Variants in GSG1 observed in about 807,000 individuals in gnomAD.
The protein encoded by GSG1 is germ cell-specific gene 1 protein.
GSG1 carries 28 observed loss-of-function variants against 30.8 expected under a neutral mutation model. The ratio of observed to expected loss-of-function variants is 0.91; its 90% CI spans 0.67 to 1.25. The LOEUF (loss-of-function observed/expected upper bound fraction) is 1.25, where lower values mean the gene tolerates loss of function less well. Among genes scored for constraint, GSG1 ranks in the 50% most tolerant of loss-of-function variants. The probability of loss-of-function intolerance (pLI) is 0.00; values close to 1 mark genes in which losing one functional copy is unlikely to be tolerated. For synonymous variants in GSG1, 162 were observed against 178.0 expected, an observed-to-expected ratio of 0.91 and a Z score of 0.71; for missense variants, 435 against 444.7, an observed-to-expected ratio of 0.98 and a Z score of 0.20.
chr12:13,098,270 G>A (rs537560901), intron 1 of GSG1, among the ~76,000 whole-genome samples: 3 of 151,490 alleles, frequency 2.0e-5, no homozygotes, highest in African/African-American at 4.9e-5. Context: ...TCGGCAAAAT[G>A]TGGGTGGAAG....
chr12:13,094,131 C>T (rs1866429132), intron 1 of GSG1, among the ~76,000 whole-genome samples: 1 of 152,146 alleles, frequency 6.6e-6, no homozygotes, highest in African/African-American at 2.4e-5. Context: ...AAAACCATAG[C>T]TAAATGGACA....
At chr12:13,091,581 G>T (rs1866149061) in intron 1 of GSG1, among the ~76,000 whole-genome samples, 1 of 152,202 alleles carries the variant, frequency 6.6e-6, no homozygotes, top group Non-Finnish European at 1.5e-5. Flanking sequence ...GCGCACGCCT[G>T]TAGTCCCAGC....
At chr12:13,102,833 G>T (rs1863312559) in intron 1 of GSG1, among the ~76,000 whole-genome samples, 1 of 152,228 alleles carries the variant, frequency 6.6e-6, no homozygotes, top group African/African-American at 2.4e-5. Context: ...GTTTCTGAAT[G>T]TAGGTCAAAT....
rs115405681 is a variant in GSG1, at chr12:13,090,589, T to A, written c.278A>T (p.Asn93Ile). ...GAACCGGTCATCCCCAGTCTCCCAG[T>A]TGTATTGTACCACCTCCTGGGTGGA... ...NTSTQEVVQY[N>I]WETGDDRFSF... The change falls in exon 2 of 7, where the codon AAC becomes ATC. Residue 93 changes from asparagine (N) to isoleucine (I), a missense_variant. Asn to Ile is a moderately radical substitution (Grantham distance 149). Transcript: ENST00000651961. The A allele has an allele frequency of 9.6e-4, 1,543 of 1,614,130 alleles. 12 individuals carry two copies. In the African/African-American group the frequency reaches 0.017, roughly 18 times the overall value.
At chr12:13,098,447 A>C (rs4332604) in intron 1 of GSG1, among the ~76,000 whole-genome samples, 121,656 of 135,728 alleles carry the variant, frequency 0.9, 55,521 homozygotes, top group East Asian at 1. Context: ...GGATTGTTTC[A>C]TGTAGCCCAT....
Position 13,088,041 on chromosome 12 carries a change from A to G in GSG1, c.500T>C (p.Leu167Pro). 10 of 1,614,254 alleles carry G rather than the reference A, an allele frequency of 6.2e-6. No homozygotes were observed. The highest frequency in any genetic ancestry group is 1.1e-5 in the South Asian group (1 of 91,086). ...PAKREILWLSLGTQITYIGLQ... is the reference protein window; with the variant it reads ...PAKREILWLSPGTQITYIGLQ... The stretch of plus-strand genomic sequence containing the variant: ...TCCGATGTAGGTGATCTGCGTTCCC[A>G]GGGATAACCATAGGATTTCTGCCAG... The change falls in exon 5 of 7, where the codon CTG becomes CCG. Residue 167 changes from leucine (L) to proline (P), a missense_variant. Leu to Pro is a moderately conservative substitution (Grantham distance 98). Transcript: ENST00000651961.
intron 1 of GSG1, among the ~76,000 whole-genome samples, chr12:13,099,740 G>GTTTTTTTTTTTTTTTTTTTTTTTTTTTT (rs1243237814): frequency 1.0e-5 from 1 of 95,830 alleles, no homozygotes; most frequent in Non-Finnish European, 2.0e-5. Context: ...GGGATCCGGT[G>GTTTTTTTTTTTTTTTTTTTTTTTTTTTT]TTTTTTTTTG....
chr12:13,090,896 C>T (rs187901883), intron 1 of GSG1, 78 bp from the exon 2 acceptor site: 64 of 1,182,540 alleles, frequency 5.4e-5, no homozygotes, highest in Non-Finnish European at 7.3e-5. Context: ...TGTGGCCATC[C>T]TTCCCTGCAC....
chr12:13,097,664 T>C (rs1354495070), intron 1 of GSG1, among the ~76,000 whole-genome samples: 1 of 152,052 alleles, frequency 6.6e-6, no homozygotes, highest in Non-Finnish European at 1.5e-5. Flanking sequence ...TGCCGATTCC[T>C]GGACCCACCC....
chr12:13,096,985 G>A (rs1256897002), intron 1 of GSG1, among the ~76,000 whole-genome samples: 1 of 152,108 alleles, frequency 6.6e-6, no homozygotes, highest in Admixed American at 6.5e-5. Flanking sequence ...CAACTACTTG[G>A]GAGGCTGAGC....
chr12:13,089,072 C>T (rs892712971), intron 3 of GSG1, 136 bp downstream of exon 3: 2 of 1,286,856 alleles, frequency 1.6e-6, no homozygotes, highest in African/African-American at 1.5e-5. Flanking sequence ...AATGGCACAG[C>T]CAAGAGTCAG....
In GSG1 at chr12:13,101,628, G is replaced by A. The variant is rs1316508026; in HGVS notation, c.48+1837C>T. 1.3e-5 allele frequency among the ~76,000 whole-genome samples: 2 copies of A among 152,246 alleles called. No individual in the cohort carries two copies. The highest frequency in any genetic ancestry group is 4.8e-5 in the African/African-American group (2 of 41,480). Reference sequence around the variant, plus strand: ...GCCGCCTGGCGAGGCTGCGCGGGAGGGCGGAGAGACTGGGTAGTCGGAGGG... The same window carrying A: ...GCCGCCTGGCGAGGCTGCGCGGGAGAGCGGAGAGACTGGGTAGTCGGAGGG... On this transcript the variant is annotated intron_variant, in intron 1 of 6. Transcript: ENST00000651961. The surrounding 1 kb of genome is among the most constrained non-coding windows in gnomAD (Gnocchi z 5.8).
chr12:13,095,825 C>G, intron 1 of GSG1: 2 of 1,462,368 alleles, frequency 1.4e-6, no homozygotes, highest in Non-Finnish European at 1.8e-6. Context: ...AATCAGGGCC[C>G]AGCTGTTCTG....
chr12:13,095,744 A>G (rs1866613791), intron 1 of GSG1: 1 of 1,545,036 alleles, frequency 6.5e-7, no homozygotes, highest in South Asian at 1.2e-5. Flanking sequence ...CTTCTATCTC[A>G]TATTCTTTGG....
intron 1 of GSG1, chr12:13,095,728 C>A: frequency 6.4e-7 from 1 of 1,565,150 alleles, no homozygotes; most frequent in South Asian, 1.2e-5. Flanking sequence ...TCCTCCTACC[C>A]CTCCCCTTCT....
chr12:13,085,470 T>C (rs1451765870), intron 6 of GSG1, among the ~76,000 whole-genome samples: 4 of 151,730 alleles, frequency 2.6e-5, no homozygotes, highest in Non-Finnish European at 4.4e-5. Flanking sequence ...GGATTTGTTT[T>C]CACTGAATTG....
At chr12:13,086,047 G>T (rs1865488721) in intron 6 of GSG1, among the ~76,000 whole-genome samples, 1 of 152,196 alleles carries the variant, frequency 6.6e-6, no homozygotes, top group Non-Finnish European at 1.5e-5. Flanking sequence ...CAGGAAACAG[G>T]AAGTTTTGTG....
At chr12:13,088,762 G>T in intron 4 of GSG1, 100 bp downstream of exon 4, 1 of 1,613,736 alleles carries the variant, frequency 6.2e-7, no homozygotes, top group Non-Finnish European at 8.5e-7. Flanking sequence ...CAAGGGAGGG[G>T]AGGGGAGGGA....
Position 13,090,792 on chromosome 12 carries a change from G to T in GSG1, c.75C>A (p.Gly25=), listed in dbSNP as rs771672732. The change falls in exon 2 of 7, where the codon GGC becomes GGA. Residue 25 remains glycine (G), a synonymous_variant. Coordinates refer to ENST00000651961, the MANE Select transcript of GSG1 (RefSeq NM_001080555.4). ...QEMELSKAFS[G]QRTLLSAILS... ...GGATGGCAGATAGGAGTGTCCGCTG[G>T]CCAGAGAAGGCCTTCGAGAGCTCCA... The T allele has an allele frequency of 1.2e-6, 2 of 1,613,030 alleles. No homozygotes were observed. The highest frequency in any genetic ancestry group is 1.7e-6 in the Non-Finnish European group (2 of 1,179,246).
Sources: gnomAD v4.1 joint callset for allele counts (sites outside exome capture counted in the v4.1 genomes callset) on GRCh38, gnomAD v4.1.1 for gene constraint, Gnocchi (gnomAD v3.1) non-coding constraint, MANE v1.5 for transcripts, NCBI Gene and HGNC (gene_info 2026-07-23, HGNC 2026-07-21) for gene names.